The following AGBL4 variants were observed in gnomAD, a reference collection of about 807,000 sequenced individuals.
The protein encoded by AGBL4 is cytosolic carboxypeptidase 6.
In AGBL4, 58 loss-of-function variants were observed where a neutral mutation model predicts 66.4. The ratio of observed to expected loss-of-function variants is 0.87; its 90% CI spans 0.71 to 1.09. The LOEUF is 1.09. AGBL4 is among the 50% of genes least tolerant of loss of function. The pLI, the probability that AGBL4 is intolerant of heterozygous loss-of-function variation, is 0.00. For missense variants in AGBL4, 579 were observed against 631.0 expected (o/e 0.92, Z 0.88); for synonymous variants, 234 against 222.9 (o/e 1.05, Z -0.44).
At chr1:49,379,591 G>A (rs538041111) in intron 3 of AGBL4, among the ~76,000 whole-genome samples, 4,239 of 152,088 alleles carry the variant, frequency 0.028, 163 homozygotes, top group African/African-American at 0.095. Context: ...AGCATGAAGC[G>A]TTGTTGAATT....
chr1:48,575,537 A>G lies in AGBL4; in HGVS notation c.1267+11467T>C, dbSNP rs145809156. On this transcript the variant is annotated intron_variant, in intron 11 of 13. Coordinates refer to ENST00000371839, the MANE Select transcript of AGBL4 (RefSeq NM_032785.4). The stretch of plus-strand genomic sequence containing the variant: ...ACTGGTGCTTCACTAGCTGGTTCCC[A>G]TAGCCTTCTCCGGCCTCATTGCCTC... 4.9e-4 allele frequency among the ~76,000 whole-genome samples: 75 copies of G among 152,206 alleles called. 1 individual carries two copies. The highest frequency in any genetic ancestry group is 9.0e-4 in the Non-Finnish European group (61 of 68,012).
At chr1:48,698,567 T>C (rs1047681838) in intron 6 of AGBL4, among the ~76,000 whole-genome samples, 1 of 152,218 alleles carries the variant, frequency 6.6e-6, no homozygotes, top group African/African-American at 2.4e-5. Flanking sequence ...TGTCCTTTAG[T>C]CCTGCCCAGC....
intron 1 of AGBL4, among the ~76,000 whole-genome samples, chr1:50,000,231 C>G (rs954920282): frequency 1.3e-5 from 2 of 151,820 alleles, no homozygotes; most frequent in Non-Finnish European, 2.9e-5. Flanking sequence ...AGCAAGAAAA[C>G]AAACAACCCC....
At chr1:48,917,603 A>G (rs28542353) in intron 5 of AGBL4, among the ~76,000 whole-genome samples, 16,103 of 152,204 alleles carry the variant, frequency 0.11, 951 homozygotes, top group African/African-American at 0.12. Context: ...GTCAAGAAAG[A>G]TTTGCTGGTA....
At chr1:49,171,019 G>A (rs1177530276) in intron 4 of AGBL4, among the ~76,000 whole-genome samples, 1 of 152,090 alleles carries the variant, frequency 6.6e-6, no homozygotes, top group African/African-American at 2.4e-5. Context: ...CATTCTAGTG[G>A]TCAAAACAAG....
intron 6 of AGBL4, among the ~76,000 whole-genome samples, chr1:48,730,733 A>T (rs546934469): frequency 1.3e-5 from 2 of 152,304 alleles, no homozygotes; most frequent in East Asian, 1.9e-4. Flanking sequence ...GTTGCCGGGA[A>T]TGTCTCCCTC....
chr1:49,400,840 C>T (rs180700572), intron 3 of AGBL4, among the ~76,000 whole-genome samples: 5 of 152,214 alleles, frequency 3.3e-5, no homozygotes, highest in African/African-American at 1.2e-4. Flanking sequence ...TCCTTTCCAA[C>T]CCTTTATTTC....
In AGBL4 at chr1:49,345,683, C is replaced by T. The variant is rs1324789647; in HGVS notation, c.283-99819G>A. 2.0e-5 allele frequency among the ~76,000 whole-genome samples: 3 copies of T among 152,194 alleles called. No homozygotes were observed. The Middle Eastern group carries it at 0.01, about 518-fold the overall frequency. On this transcript the variant is annotated intron_variant, in intron 3 of 13. Transcript: ENST00000371839. ...AAACTTTTCTTTTGAGCTATTATAGCTTTTAACAATTGAGTAAAGTATACT... is the reference window on the plus strand; with the variant it reads ...AAACTTTTCTTTTGAGCTATTATAGTTTTTAACAATTGAGTAAAGTATACT...
chr1:49,438,122 GT>G (rs1645944893), intron 3 of AGBL4, among the ~76,000 whole-genome samples: 1 of 152,114 alleles, frequency 6.6e-6, no homozygotes, highest in Admixed American at 6.6e-5. Flanking sequence ...GAGGAAATGG[GT>G]TTAGCTAGAT....
chr1:49,307,157 G>C (rs1301721841), intron 3 of AGBL4, among the ~76,000 whole-genome samples: 1 of 151,820 alleles, frequency 6.6e-6, no homozygotes, highest in Non-Finnish European at 1.5e-5. Context: ...ATCCTTTTTT[G>C]TAAAATGGAA....
At chr1:49,604,783 T>C (rs1645033441) in intron 3 of AGBL4, among the ~76,000 whole-genome samples, 1 of 152,134 alleles carries the variant, frequency 6.6e-6, no homozygotes, top group African/African-American at 2.4e-5. Context: ...ACTTTTATTA[T>C]CTTTTACCCT....
At chr1:49,996,571 T>C (rs1429008888) in intron 1 of AGBL4, among the ~76,000 whole-genome samples, 2 of 151,944 alleles carry the variant, frequency 1.3e-5, no homozygotes, top group South Asian at 4.2e-4. Flanking sequence ...TTATGGTAAA[T>C]GAACAAGCCT....
chr1:48,841,072 C>T lies in AGBL4; in HGVS notation c.634+26119G>A, dbSNP rs531036643. 2.6e-5 allele frequency among the ~76,000 whole-genome samples: 4 copies of T among 152,068 alleles called. No homozygotes were observed. In the South Asian group the frequency reaches 8.3e-4, roughly 32 times the overall value. The stretch of plus-strand genomic sequence containing the variant: ...ATGACACTCTTAAAAAGACAAAATT[C>T]TAGTGATAGAGAACAGATCAGTGTT... On this transcript the variant is annotated intron_variant, in intron 6 of 13. Transcript: ENST00000371839.
chr1:49,741,684 T>A (rs1312885602), intron 2 of AGBL4, among the ~76,000 whole-genome samples: 2 of 152,050 alleles, frequency 1.3e-5, no homozygotes, highest in African/African-American at 4.8e-5. Flanking sequence ...CAGCAGCATA[T>A]CAAAAATCTT....
At chr1:48,524,148 G>C in the AGBL4 span, among the ~76,000 whole-genome samples, 1 of 152,124 alleles carries the variant, frequency 6.6e-6, no homozygotes, top group Non-Finnish European at 1.5e-5. Flanking sequence ...CAGGCCCTCA[G>C]TGAGTGCTTC....
Position 49,785,226 on chromosome 1 carries a change from A to T in AGBL4, c.157+66170T>A, listed in dbSNP as rs182876962. Among the ~76,000 whole-genome samples, 16 of 152,198 alleles carry T rather than the reference A, an allele frequency of 1.1e-4. 1 individual carries two copies. Among genetic ancestry groups the T allele is most frequent in the African/African-American group, 3.6e-4 (15 of 41,570 alleles). ...CCTGACCAAAGAGTACAAAGCTTCT[A>T]TCTGACCAAAGAGAAATAAGTTTCA... On this transcript the variant is annotated intron_variant, in intron 2 of 13. Coordinates refer to ENST00000371839, the MANE Select transcript of AGBL4 (RefSeq NM_032785.4).
chr1:48,759,301 G>A (rs1325004557), intron 6 of AGBL4: 1 of 1,550,006 alleles, frequency 6.5e-7, no homozygotes. Context: ...AGGACAACGA[G>A]AATCAGTTCA....
At chr1:49,335,609 A>G (rs1275397777) in intron 3 of AGBL4, among the ~76,000 whole-genome samples, 8 of 151,596 alleles carry the variant, frequency 5.3e-5, no homozygotes, top group East Asian at 1.9e-4. Context: ...TCCGCCTCCC[A>G]GGTTCATGCC....
intron 2 of AGBL4, among the ~76,000 whole-genome samples, chr1:49,762,361 T>C (rs1471804563): frequency 6.6e-6 from 1 of 152,132 alleles, no homozygotes; most frequent in Non-Finnish European, 1.5e-5. Context: ...TGTTGGCCAT[T>C]TGTATGTCTG....
Sources: allele counts gnomAD v4.1 joint callset (sites outside exome capture counted in the v4.1 genomes callset), GRCh38; gene constraint gnomAD v4.1.1; transcripts MANE v1.5; gene names NCBI Gene and HGNC (gene_info 2026-07-23, HGNC 2026-07-21).